FAT4: variants seen among roughly 807,000 people sequenced by gnomAD.
The protein encoded by FAT4 is FAT atypical cadherin 4, also known as protocadherin Fat 4.
Under a neutral mutation model 303.9 loss-of-function variants are expected in FAT4, and 84 were observed. That is an observed-to-expected ratio of 0.28 (90% CI 0.23 to 0.33). FAT4 has a LOEUF of 0.33. Ranked by LOEUF, FAT4 falls within the 10% of genes least tolerant of loss-of-function variation. The pLI is 1.00. For synonymous variants in FAT4, 2,307 were observed against 2,298.8 expected, an observed-to-expected ratio of 1.00 and a Z score of -0.10; for missense variants, 6,005 against 6,146.8, an observed-to-expected ratio of 0.98 and a Z score of 0.77.
chr4:125,347,456 C>T (rs1050441713), intron 2 of FAT4, among the ~76,000 whole-genome samples: 15 of 151,236 alleles, frequency 9.9e-5, no homozygotes, highest in African/African-American at 3.6e-4. Flanking sequence ...TTTTCCAGTA[C>T]CTCTTCAGTT....
chr4:125,328,201 T>A (rs1287024135), intron 2 of FAT4, among the ~76,000 whole-genome samples: 1 of 152,200 alleles, frequency 6.6e-6, no homozygotes, highest in Non-Finnish European at 1.5e-5. Flanking sequence ...GTATGTTGAC[T>A]GAGAAGGAGA....
At chr4:125,485,395 CT>C (rs1260677561) in intron 16 of FAT4, among the ~76,000 whole-genome samples, 1 of 151,864 alleles carries the variant, frequency 6.6e-6, no homozygotes, top group Non-Finnish European at 1.5e-5. Context: ...AGCTTTTTTT[CT>C]ATTTTAAAAG....
intron 2 of FAT4, among the ~76,000 whole-genome samples, chr4:125,355,004 A>T (rs1732372230): frequency 1.3e-5 from 2 of 151,794 alleles, no homozygotes; most frequent in African/African-American, 4.8e-5. Context: ...CATATTTTTT[A>T]AATTTAGACA....
chr4:125,362,486 C>T (rs903810013), intron 2 of FAT4, among the ~76,000 whole-genome samples: 1 of 152,080 alleles, frequency 6.6e-6, no homozygotes, highest in Non-Finnish European at 1.5e-5. Context: ...TGATTCTTCT[C>T]TTCTGATGCA....
chr4:125,490,925 C>G lies in FAT4; in HGVS notation c.14109C>G (p.His4703Gln), dbSNP rs1409640096. 5.0e-6 allele frequency: 8 copies of G among 1,614,228 alleles called. No individual in the cohort carries two copies. Among genetic ancestry groups the G allele is most frequent in the Non-Finnish European group, 5.9e-6 (7 of 1,180,040 alleles). Residue 4703 changes from histidine (H) to glutamine (Q), a missense_variant, in exon 18 of 18, where the codon CAC becomes CAG. Coordinates refer to ENST00000394329, the MANE Select transcript of FAT4 (RefSeq NM_001291303.3). ...ACPTPNPLSRHSPAPFSKSST... is the reference protein window; with the variant it reads ...ACPTPNPLSRQSPAPFSKSST... Reference sequence around the variant, plus strand: ...CAACTCCCAACCCTCTGTCTCGACACAGTCCAGCCCCTTTCTCCAAATCTT... The same window carrying G: ...CAACTCCCAACCCTCTGTCTCGACAGAGTCCAGCCCCTTTCTCCAAATCTT...
At position 125,322,094 on chromosome 4, in the gene FAT4, G is replaced by A. The variant is rs1394533043; in HGVS notation, c.5175+508G>A. Reference sequence around the variant, plus strand: ...AACTTTCACATCCTCAGCAGTCTTGGCAGTTTCTTTATAGACAGTGACTAA... The same window carrying A: ...AACTTTCACATCCTCAGCAGTCTTGACAGTTTCTTTATAGACAGTGACTAA... On this transcript the variant is annotated intron_variant, in intron 2 of 17. Coordinates refer to ENST00000394329, the MANE Select transcript of FAT4 (RefSeq NM_001291303.3). Among the ~76,000 whole-genome samples, 3 of 152,270 alleles carry A rather than the reference G, an allele frequency of 2.0e-5. No individual in the cohort carries two copies. In the East Asian group the frequency reaches 5.8e-4, roughly 29 times the overall value.
Position 125,361,980 on chromosome 4 carries a change from C to A in FAT4, c.5176-36804C>A, listed in dbSNP as rs985420770. ...CCTTGTTTATTTTAAGTCCCAGATT[C>A]TATTATTTTCCCTACTAACCATGGG... is the stretch of plus-strand genomic sequence containing the variant. On this transcript the variant is annotated intron_variant, in intron 2 of 17. Transcript: ENST00000394329. Among the ~76,000 whole-genome samples, 7 of 152,020 alleles carry A rather than the reference C, an allele frequency of 4.6e-5. No individual in the cohort carries two copies. The South Asian group carries it at 1.0e-3, about 23-fold the overall frequency.
intron 8 of FAT4, among the ~76,000 whole-genome samples, chr4:125,434,808 T>G (rs1553925556): frequency 6.6e-6 from 1 of 152,134 alleles, no homozygotes; most frequent in Non-Finnish European, 1.5e-5. Flanking sequence ...GGTTGGAAGG[T>G]TCAGGATCAT....
At chr4:125,432,762 A>C (rs1214296059) in intron 7 of FAT4, among the ~76,000 whole-genome samples, 1 of 152,054 alleles carries the variant, frequency 6.6e-6, no homozygotes, top group East Asian at 1.9e-4. Context: ...TAGACGTCAA[A>C]ATTTTTTGAC....
chr4:125,361,933 C>G (rs1732689442), intron 2 of FAT4, among the ~76,000 whole-genome samples: 1 of 152,104 alleles, frequency 6.6e-6, no homozygotes, highest in Admixed American at 6.6e-5. Context: ...ACTTCTATCT[C>G]AACTGCTTGT....
chr4:125,382,655 A>C (rs1204999524), intron 2 of FAT4, among the ~76,000 whole-genome samples: 1 of 152,190 alleles, frequency 6.6e-6, no homozygotes, highest in Admixed American at 6.5e-5. Context: ...CACCAACTGT[A>C]CTAGTCCCTG....
In FAT4 at chr4:125,487,302, A is replaced by G. The variant is rs777170741; in HGVS notation, c.12823-43A>G. The G allele has an allele frequency of 9.6e-6, 15 of 1,557,996 alleles. No homozygotes were observed. In the South Asian group the frequency reaches 1.4e-4, roughly 15 times the overall value. ...TTTTGTTAATGATTTTTATTTAAGC[A>G]TACCATATTTTAATTGCATACTATT... On this transcript the variant is annotated intron_variant, in intron 16 of 17. Coordinates refer to ENST00000394329, the MANE Select transcript of FAT4 (RefSeq NM_001291303.3).
rs1162279281 is a variant in FAT4 at position 125,317,856 on chromosome 4, T to C, written c.1445T>C (p.Val482Ala). 6 of 1,614,066 alleles carry C rather than the reference T, an allele frequency of 3.7e-6. No individual in the cohort carries two copies. Among genetic ancestry groups the C allele is most frequent in the Non-Finnish European group, 5.1e-6 (6 of 1,180,004 alleles). ...GTCTTTTCACAGCAAGTGTACAGAGTGAACCTGAGCGAGGAGGCGCCTCCG... is the reference window on the plus strand; with the variant it reads ...GTCTTTTCACAGCAAGTGTACAGAGCGAACCTGAGCGAGGAGGCGCCTCCG... ...PPVFSQQVYR[V>A]NLSEEAPPGS... The change falls in exon 2 of 18, where the codon GTG (valine) becomes GCG (alanine). Residue 482 changes from valine to alanine, a missense_variant. Val to Ala is a moderately conservative substitution (Grantham distance 64). Transcript: ENST00000394329. This position sits in a 1 kb window ranked among gnomAD's most constrained non-coding sequence, Gnocchi z 7.0.
chr4:125,417,327 G>T (rs779293564), intron 7 of FAT4, among the ~76,000 whole-genome samples: 1 of 152,084 alleles, frequency 6.6e-6, no homozygotes, highest in Non-Finnish European at 1.5e-5. Context: ...GTTAGGAGGA[G>T]CTTTCACTAG....
chr4:125,328,418 A>T (rs945070731), intron 2 of FAT4, among the ~76,000 whole-genome samples: 9 of 152,334 alleles, frequency 5.9e-5, no homozygotes, highest in African/African-American at 2.2e-4. Context: ...TGTGGTAATT[A>T]AACAGTGATT....
chr4:125,324,934 G>A (rs963408604), intron 2 of FAT4, among the ~76,000 whole-genome samples: 21 of 151,940 alleles, frequency 1.4e-4, no homozygotes, highest in Non-Finnish European at 2.4e-4. Context: ...AAAAATTAAA[G>A]AGTGGCATTA....
At chr4:125,391,487 A>G (rs1490376293) in intron 2 of FAT4, among the ~76,000 whole-genome samples, 1 of 152,086 alleles carries the variant, frequency 6.6e-6, no homozygotes, top group Admixed American at 6.6e-5. Context: ...GTGGACACAG[A>G]GAAGGGAACA....
intron 2 of FAT4, among the ~76,000 whole-genome samples, chr4:125,360,788 C>A (rs185975321): frequency 3.7e-4 from 56 of 151,902 alleles, no homozygotes; most frequent in African/African-American, 1.2e-3. Context: ...GCATAGCCAT[C>A]TTTACTTCAT....
chr4:125,425,556 A>G (rs1725058264), intron 7 of FAT4, among the ~76,000 whole-genome samples: 1 of 152,156 alleles, frequency 6.6e-6, no homozygotes, highest in African/African-American at 2.4e-5. Flanking sequence ...AAATCACAGC[A>G]TTATTCCCCT....
Sources: gnomAD v4.1 joint callset for allele counts (sites outside exome capture counted in the v4.1 genomes callset) on GRCh38, gnomAD v4.1.1 for gene constraint, Gnocchi (gnomAD v3.1) non-coding constraint, MANE v1.5 for transcripts, NCBI Gene and HGNC (gene_info 2026-07-23, HGNC 2026-07-21) for gene names.